LIG1: variants seen among roughly 807,000 people sequenced by gnomAD.
LIG1 encodes DNA ligase 1.
In LIG1, 70 loss-of-function variants were observed where a neutral mutation model predicts 115.7. The ratio of observed to expected loss-of-function variants is 0.60; its 90% CI spans 0.50 to 0.74. The LOEUF (loss-of-function observed/expected upper bound fraction) is 0.74, where lower values mean the gene tolerates loss of function less well. LIG1 is among the 30% of genes least tolerant of loss of function. The pLI is 0.00. For synonymous variants in LIG1, 487 were observed against 495.3 expected (o/e 0.98, Z 0.22); for missense variants, 1,115 against 1,225.6 (o/e 0.91, Z 1.35).
At chr19:48,132,504 C>T (rs2034092012) in intron 18 of LIG1, among the ~76,000 whole-genome samples, 1 of 151,924 alleles carries the variant, frequency 6.6e-6, no homozygotes, top group Non-Finnish European at 1.5e-5. Context: ...AAGACCACAC[C>T]CTAGAGGCCA....
chr19:48,116,999 A>T (rs970924654), intron 26 of LIG1, among the ~76,000 whole-genome samples: 1 of 151,148 alleles, frequency 6.6e-6, no homozygotes, highest in Non-Finnish European at 1.5e-5. Context: ...TACCCAGCTA[A>T]TTTTTCTATT....
At position 48,137,783 on chromosome 19, in the gene LIG1, G is replaced by C. The variant is rs755841950; in HGVS notation, c.1088-95C>G. 6.8e-7 allele frequency: 1 copy of C among 1,481,172 alleles called. No homozygotes were observed. Among genetic ancestry groups the C allele is most frequent in the South Asian group, 1.2e-5 (1 of 84,338 alleles). The allele number at this position is 1,481,172 out of a possible 1,614,324, so 91.8% of individuals were successfully genotyped here. ...GCCTGGATGAATTTTCTCCAGCTGT[G>C]TGTGCTTGTGGCGAGTCCCTGCACC... On this transcript the variant is annotated intron_variant, in intron 12 of 27. Transcript: ENST00000263274. This position sits in a 1 kb window ranked among gnomAD's most constrained non-coding sequence, Gnocchi z 4.3.
Position 48,127,767 on chromosome 19 carries a change from G to A in LIG1, c.1932+143C>T, listed in dbSNP as rs1599758598. The stretch of plus-strand genomic sequence containing the variant: ...TGAGAATGCGATGGCTGGAGCTGTG[G>A]CAGCCATTCTGCAGAAGGCTGAGAG... On this transcript the variant is annotated intron_variant, in intron 20 of 27. Transcript: ENST00000263274. 4 of 793,308 alleles carry A rather than the reference G, an allele frequency of 5.0e-6. No individual in the cohort carries two copies. In the East Asian group the frequency reaches 7.3e-5, roughly 14 times the overall value. The allele number at this position is 793,308 out of a possible 1,614,324, so 49.1% of individuals were successfully genotyped here.
chr19:48,142,442 C>CAAAAAAAAAAAAAAAAAAA (rs561137392), intron 11 of LIG1, among the ~76,000 whole-genome samples: 2,517 of 75,054 alleles, frequency 0.034, 361 homozygotes, highest in East Asian at 0.06. Flanking sequence ...GACTCCATCT[C>CAAAAAAAAAAAAAAAAAAA]AAAAAAAAAA....
chr19:48,125,219 A>C (rs982579656), intron 21 of LIG1, among the ~76,000 whole-genome samples: 1 of 152,194 alleles, frequency 6.6e-6, no homozygotes, highest in South Asian at 2.1e-4. Context: ...GAAATATTTG[A>C]AATGCTCATG....
chr19:48,123,074 A>T, intron 22 of LIG1, 58 bp from the exon 23 acceptor site: 1 of 1,611,912 alleles, frequency 6.2e-7, no homozygotes, highest in East Asian at 2.2e-5. Flanking sequence ...GCGCCGGAGC[A>T]GGCAGGATTC....
intron 17 of LIG1, chr19:48,133,368 CTCCCTCCTCTGCG>C: frequency 2.1e-6 from 1 of 486,112 alleles, no homozygotes; most frequent in Non-Finnish European, 3.8e-6. Context: ...GTTGCCTCCC[CTCCCTCCTCTGCG>C]TCCCTCCTCC....
At chr19:48,129,550 G>A (rs1454583236) in intron 19 of LIG1, among the ~76,000 whole-genome samples, 1 of 152,170 alleles carries the variant, frequency 6.6e-6, no homozygotes, top group Non-Finnish European at 1.5e-5. Context: ...CGGAGCAGAT[G>A]CCCAGTAAAT....
intron 11 of LIG1, 91 bp downstream of exon 11, chr19:48,143,452 G>C: frequency 8.5e-7 from 1 of 1,182,790 alleles, no homozygotes; most frequent in Non-Finnish European, 1.3e-6. Context: ...AAGTTGACAG[G>C]GTTTGGCGGA....
At chr19:48,150,481 A>G (rs1254531438) in intron 7 of LIG1, among the ~76,000 whole-genome samples, 3 of 150,684 alleles carry the variant, frequency 2.0e-5, no homozygotes, top group Non-Finnish European at 4.4e-5. Context: ...AAATATTCCC[A>G]CTCCTCCCAG....
chr19:48,165,162 G>A (rs1468038896), intron 2 of LIG1, among the ~76,000 whole-genome samples: 3 of 152,156 alleles, frequency 2.0e-5, no homozygotes, highest in Non-Finnish European at 2.9e-5. Context: ...AGGAGGCTGA[G>A]GCAGGAGAAT....
intron 9 of LIG1, 78 bp from the exon 10 acceptor site, chr19:48,144,041 C>T: frequency 4.2e-6 from 5 of 1,190,010 alleles, no homozygotes; most frequent in Non-Finnish European, 6.3e-6. Flanking sequence ...TGTGATGTGC[C>T]AGGCTCTGTT....
intron 18 of LIG1, among the ~76,000 whole-genome samples, chr19:48,131,416 C>T (rs565541255): frequency 6.6e-6 from 1 of 152,312 alleles, no homozygotes; most frequent in South Asian, 2.1e-4. Flanking sequence ...GGCACATGCA[C>T]CTTGCTGCAT....
At chr19:48,128,051 G>T in intron 19 of LIG1, 31 bp from the exon 20 acceptor site, 2 of 1,545,832 alleles carry the variant, frequency 1.3e-6, no homozygotes, top group South Asian at 2.2e-5. Flanking sequence ...CCCAGGGCCT[G>T]AGAGAGGTGG....
At chr19:48,135,924 G>T (rs2034355795) in intron 15 of LIG1, 110 bp downstream of exon 15, 1 of 917,362 alleles carries the variant, frequency 1.1e-6, no homozygotes, top group East Asian at 2.8e-5. Context: ...AGAGGAGCCT[G>T]GTATGGCAGG....
chr19:48,161,512 A>G lies in LIG1; in HGVS notation c.108-5T>C, dbSNP rs200668350. On this transcript the variant is annotated splice_region_variant and splice_polypyrimidine_tract_variant and intron_variant, in intron 3 of 27. Transcript: ENST00000263274. ...TTCCACTCCTTCAGTGCCGCCCTGG[A>G]AGGTGGGGAAATGGGGGTGTAAAGG... The G allele has an allele frequency of 5.0e-4, 804 of 1,613,926 alleles. 2 individuals carry two copies. In the Middle Eastern group the frequency reaches 0.013, roughly 26 times the overall value.
chr19:48,162,213 C>T, intron 3 of LIG1, 49 bp downstream of exon 3: 1 of 1,538,568 alleles, frequency 6.5e-7, no homozygotes, highest in Non-Finnish European at 9.0e-7. Context: ...CCAAGACAAT[C>T]CTGACTGCTA....
At chr19:48,143,755 G>A in intron 10 of LIG1, 128 bp downstream of exon 10, 1 of 1,076,098 alleles carries the variant, frequency 9.3e-7, no homozygotes, top group Non-Finnish European at 1.4e-6. Flanking sequence ...CCCTTTCAAT[G>A]CTGCTGATTG....
chr19:48,125,448 A>G (rs1269238617), intron 21 of LIG1, among the ~76,000 whole-genome samples: 1 of 152,198 alleles, frequency 6.6e-6, no homozygotes, highest in African/African-American at 2.4e-5. Flanking sequence ...GCATCTCTGC[A>G]TTAGAACCAC....
Sources: gnomAD v4.1 joint callset for allele counts (sites outside exome capture counted in the v4.1 genomes callset) on GRCh38, gnomAD v4.1.1 for gene constraint, Gnocchi (gnomAD v3.1) non-coding constraint, MANE v1.5 for transcripts, NCBI Gene and HGNC (gene_info 2026-07-23, HGNC 2026-07-21) for gene names.